TUSC3: variants seen among roughly 807,000 people sequenced by gnomAD.
TUSC3 encodes the protein dolichyl-diphosphooligosaccharide--protein glycosyltransferase subunit TUSC3.
In TUSC3, 45 loss-of-function variants were observed where a neutral mutation model predicts 44.8. The ratio of observed to expected loss-of-function variants is 1.00; its 90% confidence interval spans 0.79 to 1.29. The LOEUF (loss-of-function observed/expected upper bound fraction) is 1.29, where lower values mean the gene tolerates loss of function less well. Among genes scored for constraint, TUSC3 ranks in the 50% most tolerant of loss-of-function variants. TUSC3 has a pLI of 0.00. For synonymous variants in TUSC3, 212 were observed against 152.9 expected, an observed-to-expected ratio of 1.39 and a Z score of -2.85; for missense variants, 519 against 437.9, an observed-to-expected ratio of 1.19 and a Z score of -1.65.
chr8:15,726,523 G>C (rs187618693), intron 6 of TUSC3, among the ~76,000 whole-genome samples: 1 of 151,854 alleles, frequency 6.6e-6, no homozygotes, highest in Non-Finnish European at 1.5e-5. Flanking sequence ...ATATTCAATG[G>C]GGCCAGGTGC....
At chr8:15,501,122 T>A (rs1469563138) in intron 2 of TUSC3, among the ~76,000 whole-genome samples, 1 of 152,150 alleles carries the variant, frequency 6.6e-6, no homozygotes, top group Non-Finnish European at 1.5e-5. Context: ...TCTCCTTACA[T>A]CACTTTTGGT....
intron 1 of TUSC3, among the ~76,000 whole-genome samples, chr8:15,562,425 T>C (rs1057272738): frequency 3.3e-5 from 5 of 152,014 alleles, no homozygotes; most frequent in Non-Finnish European, 5.9e-5. Flanking sequence ...AGTGTAAGGG[T>C]GGTTTGTGGG....
chr8:15,489,261 T>A (rs1269049745), intron 2 of TUSC3, among the ~76,000 whole-genome samples: 1 of 152,142 alleles, frequency 6.6e-6, no homozygotes, highest in African/African-American at 2.4e-5. Context: ...ATTCAAAGAT[T>A]TTCTAATTGG....
chr8:15,538,251 C>T (rs979584404), upstream of TUSC3, among the ~76,000 whole-genome samples: 20 of 152,190 alleles, frequency 1.3e-4, no homozygotes, highest in African/African-American at 4.6e-4. Flanking sequence ...TCTATTGAAG[C>T]TTGCTCTCAG....
intron 1 of TUSC3, among the ~76,000 whole-genome samples, chr8:15,621,001 G>A (rs1396820158): frequency 1.0e-5 from 1 of 100,054 alleles, no homozygotes; most frequent in Non-Finnish European, 2.9e-5. Context: ...CTGTGTGTGA[G>A]TGTGTGTTGT....
chr8:15,787,544 A>G, the TUSC3 span, among the ~76,000 whole-genome samples: 1 of 152,344 alleles, frequency 6.6e-6, no homozygotes, highest in East Asian at 1.9e-4. Flanking sequence ...AAAACCTTAG[A>G]ATAATAAGAC....
At chr8:15,507,539 C>T (rs1476373896) in intron 2 of TUSC3, among the ~76,000 whole-genome samples, 1 of 152,098 alleles carries the variant, frequency 6.6e-6, no homozygotes, top group African/African-American at 2.4e-5. Context: ...TCAGGAGTCT[C>T]TCCCTTTTTT....
chr8:15,799,007 T>A, the TUSC3 span, among the ~76,000 whole-genome samples: 1 of 152,138 alleles, frequency 6.6e-6, no homozygotes, highest in Non-Finnish European at 1.5e-5. Context: ...AGAATACTAG[T>A]CAATGTCTCT....
At chr8:15,667,756 A>G (rs1224371049) in intron 5 of TUSC3, among the ~76,000 whole-genome samples, 2 of 151,722 alleles carry the variant, frequency 1.3e-5, no homozygotes, top group South Asian at 2.1e-4. Context: ...AAAGCATGTA[A>G]TAGTTATTTT....
intron 6 of TUSC3, among the ~76,000 whole-genome samples, chr8:15,719,115 A>T (rs928182759): frequency 6.6e-6 from 1 of 151,986 alleles, no homozygotes; most frequent in Non-Finnish European, 1.5e-5. Context: ...TTGCTTCGTT[A>T]TAGTCTGTTC....
At chr8:15,573,198 C>CTA (rs1260702049) in intron 1 of TUSC3, among the ~76,000 whole-genome samples, 10 of 101,550 alleles carry the variant, frequency 9.8e-5, no homozygotes, top group South Asian at 6.8e-4. Flanking sequence ...CTCTCTCTCT[C>CTA]TCTCTATATA....
At chr8:15,815,211 C>T in the TUSC3 span, among the ~76,000 whole-genome samples, 4 of 151,774 alleles carry the variant, frequency 2.6e-5, no homozygotes, top group Non-Finnish European at 5.9e-5. Context: ...AGGTATTGCA[C>T]GAGGTGGATA....
intron 6 of TUSC3, among the ~76,000 whole-genome samples, chr8:15,713,097 A>T (rs1809922531): frequency 6.6e-6 from 1 of 152,194 alleles, no homozygotes; most frequent in South Asian, 2.1e-4. Flanking sequence ...ATCCCAAATA[A>T]TCCACAAATA....
At chr8:15,507,891 G>A (rs145819519) in intron 2 of TUSC3, among the ~76,000 whole-genome samples, 5 of 152,210 alleles carry the variant, frequency 3.3e-5, no homozygotes, top group Middle Eastern at 3.4e-3. Flanking sequence ...GAGTGAAGGT[G>A]GGCACATTTA....
At position 15,549,253 on chromosome 8, in the gene TUSC3, A is replaced by C. The variant is rs1021363151; in HGVS notation, c.138+8685A>C. Among the ~76,000 whole-genome samples the C allele has an allele frequency of 2.0e-5, 3 of 151,704 alleles. 1 individual carries two copies. The highest frequency in any genetic ancestry group is 2.0e-4 in the Admixed American group (3 of 15,192). ...GCAGTGGGCTATCTCTGCTCATTGC[A>C]ACCCCTGCCTCCCGGATTCAAGTGA... On this transcript the variant is annotated intron_variant, in intron 1 of 10. Transcript: ENST00000503731.
At chr8:15,457,671 A>G (rs923819768) in intron 1 of TUSC3, among the ~76,000 whole-genome samples, 6 of 149,990 alleles carry the variant, frequency 4.0e-5, no homozygotes, top group African/African-American at 1.5e-4. Flanking sequence ...TTAATATATA[A>G]ACAGCATTGC....
chr8:15,609,611 G>T (rs926204500), intron 1 of TUSC3, among the ~76,000 whole-genome samples: 2 of 151,996 alleles, frequency 1.3e-5, no homozygotes, highest in African/African-American at 4.8e-5. Context: ...TTTGATGACT[G>T]TCCCTGATTA....
At chr8:15,569,675 C>T (rs1460198523) in intron 1 of TUSC3, among the ~76,000 whole-genome samples, 4 of 152,030 alleles carry the variant, frequency 2.6e-5, no homozygotes, top group East Asian at 1.9e-4. Flanking sequence ...GGGGACATCT[C>T]GTTACGTGAG....
chr8:15,804,043 A>C, the TUSC3 span, among the ~76,000 whole-genome samples: 1 of 152,232 alleles, frequency 6.6e-6, no homozygotes, highest in Non-Finnish European at 1.5e-5. Flanking sequence ...AGAATGATTT[A>C]TAATCCTTTG....
Sources: allele counts gnomAD v4.1 joint callset (sites outside exome capture counted in the v4.1 genomes callset), GRCh38; gene constraint gnomAD v4.1.1; transcripts MANE v1.5; gene names NCBI Gene and HGNC (gene_info 2026-07-23, HGNC 2026-07-21).